Variants in ADRA1B observed in about 807,000 individuals in gnomAD.
The protein encoded by ADRA1B is alpha-1B adrenergic receptor.
A neutral mutation model predicts 17.9 loss-of-function variants in ADRA1B; 17 were observed. The observed-to-expected ratio is 0.95, with a 90% CI of 0.65 to 1.42. The LOEUF is 1.42. ADRA1B is among the 40% of genes most tolerant of loss of function. ADRA1B has a pLI of 0.00. For synonymous variants in ADRA1B, 366 were observed against 327.6 expected (o/e 1.12, Z -1.27); for missense variants, 681 against 722.1 (o/e 0.94, Z 0.65).
rs543413240 is a variant in ADRA1B at position 159,943,530 on chromosome 5, C to T, written c.949+25676C>T. On this transcript the variant is annotated intron_variant, in intron 1 of 1. Coordinates refer to ENST00000306675, the MANE Select transcript of ADRA1B (RefSeq NM_000679.4). ...CCACAGCTCCAACCTGATTAAAGAT[C>T]GTTAGTCTAATGACTTCCACCCTGT... 1.2e-4 allele frequency among the ~76,000 whole-genome samples: 18 copies of T among 152,136 alleles called. No homozygotes were observed. In the South Asian group the frequency reaches 3.7e-3, roughly 32 times the overall value.
chr5:159,888,022 G>A (rs980607938), intron 1 of ADRA1B: 3 of 152,090 alleles, frequency 2.0e-5, no homozygotes, highest in Non-Finnish European at 4.4e-5. Context: ...TCACACTCCT[G>A]ATTGAACCCA....
chr5:159,926,738 T>C (rs1303896809), intron 1 of ADRA1B, among the ~76,000 whole-genome samples: 4 of 151,790 alleles, frequency 2.6e-5, no homozygotes, highest in African/African-American at 9.7e-5. Flanking sequence ...AACACAAAAA[T>C]TAGCCGGGCG....
At chr5:159,955,521 G>C (rs552234117) in intron 1 of ADRA1B, among the ~76,000 whole-genome samples, 2 of 152,212 alleles carry the variant, frequency 1.3e-5, no homozygotes, top group African/African-American at 4.8e-5. Context: ...TTTACCATCT[G>C]ATTCCCCAAG....
intron 1 of ADRA1B, among the ~76,000 whole-genome samples, chr5:159,964,572 A>G (rs923332139): frequency 6.6e-6 from 1 of 152,238 alleles, no homozygotes; most frequent in Non-Finnish European, 1.5e-5. Context: ...AATGCTTAGC[A>G]AGCTTTAGAC....
intron 1 of ADRA1B, chr5:159,948,283 A>G (rs1411058958): frequency 2.0e-6 from 2 of 985,276 alleles, no homozygotes; most frequent in African/African-American, 1.7e-5. Flanking sequence ...CTTTTCACAC[A>G]TGCTATGCAC....
downstream of ADRA1B, among the ~76,000 whole-genome samples, chr5:159,975,657 G>T (rs1020141351): frequency 3.3e-5 from 5 of 152,222 alleles, no homozygotes; most frequent in Admixed American, 2.6e-4. Context: ...TTTCTTTCCA[G>T]AAGGAAGACT....
intron 1 of ADRA1B, among the ~76,000 whole-genome samples, chr5:159,968,771 A>C (rs1755817830): frequency 6.6e-6 from 1 of 152,174 alleles, no homozygotes; most frequent in South Asian, 2.1e-4. Context: ...TAGAGACAGG[A>C]ATCTCACTAT....
intron 1 of ADRA1B, among the ~76,000 whole-genome samples, chr5:159,941,919 CTTT>C (rs70987983): frequency 1.2e-4 from 15 of 122,134 alleles, no homozygotes; most frequent in African/African-American, 3.2e-4. Flanking sequence ...TACTGGGTTT[CTTT>C]TTTTTTTTTT....
Position 159,917,231 on chromosome 5 carries a change from G to A in ADRA1B, c.326G>A (p.Gly109Asp). 1 of 1,614,164 alleles carries A rather than the reference G, an allele frequency of 6.2e-7. No homozygotes were observed. The highest frequency in any genetic ancestry group is 8.5e-7 in the Non-Finnish European group (1 of 1,180,036). ...TTCTCAGCGGCCCTAGAGGTGCTCG[G>A]CTACTGGGTGCTGGGGCGGATCTTC... is the stretch of plus-strand genomic sequence containing the variant. Reference protein sequence around the residue: ...LPFSAALEVLGYWVLGRIFCD... With the variant: ...LPFSAALEVLDYWVLGRIFCD... The change falls in exon 1 of 2, where the codon GGC (glycine) becomes GAC (aspartate). Residue 109 changes from glycine to aspartate, a missense_variant. Gly to Asp is a moderately conservative substitution (Grantham distance 94, BLOSUM62 -1). Around this residue, in one of 3 missense-constraint regions of ADRA1B, gnomAD observed 424 missense variants for 480.2 expected, o/e 0.88. Coordinates refer to ENST00000306675, the MANE Select transcript of ADRA1B (RefSeq NM_000679.4).
the ADRA1B span, among the ~76,000 whole-genome samples, chr5:159,980,574 G>A: frequency 3.3e-5 from 5 of 152,272 alleles, no homozygotes; most frequent in East Asian, 9.7e-4. Flanking sequence ...TCTGCTACTT[G>A]CCAGCTATGT....
At chr5:159,963,665 G>C (rs1056226526) in intron 1 of ADRA1B, among the ~76,000 whole-genome samples, 2 of 152,214 alleles carry the variant, frequency 1.3e-5, no homozygotes, top group Non-Finnish European at 2.9e-5. Context: ...CAGAGTCAGA[G>C]CTTGTTAAAT....
At chr5:159,953,360 A>G (rs1315202114) in intron 1 of ADRA1B, among the ~76,000 whole-genome samples, 1 of 152,164 alleles carries the variant, frequency 6.6e-6, no homozygotes, top group Non-Finnish European at 1.5e-5. Flanking sequence ...TCTGTCTCAG[A>G]AAAATAAAAA....
chr5:159,981,699 C>T, the ADRA1B span, among the ~76,000 whole-genome samples: 10 of 152,066 alleles, frequency 6.6e-5, no homozygotes, highest in South Asian at 2.1e-4. Context: ...GGTTTCACCA[C>T]GTTAGCCAGG....
chr5:159,887,028 G>A (rs374966917), intron 1 of ADRA1B, among the ~76,000 whole-genome samples: 1 of 152,124 alleles, frequency 6.6e-6, no homozygotes. Context: ...TGAGTGGATA[G>A]ATAACGTGTT....
chr5:159,961,035 C>T (rs891096517), intron 1 of ADRA1B, among the ~76,000 whole-genome samples: 1 of 152,160 alleles, frequency 6.6e-6, no homozygotes, highest in Non-Finnish European at 1.5e-5. Context: ...GGGACAAATG[C>T]CACATTTTAG....
chr5:159,988,835 C>A, the ADRA1B span, among the ~76,000 whole-genome samples: 15 of 152,268 alleles, frequency 9.9e-5, no homozygotes, highest in South Asian at 3.1e-3. Context: ...TAAAAATTAG[C>A]CAGGTTTGGT....
At chr5:159,923,715 A>G (rs961886596) in intron 1 of ADRA1B, among the ~76,000 whole-genome samples, 1 of 152,298 alleles carries the variant, frequency 6.6e-6, no homozygotes, top group Non-Finnish European at 1.5e-5. Context: ...CTAGCTGCTC[A>G]TCAGAAACAT....
rs541157642 is a variant in ADRA1B, at chr5:159,954,451, G to T, written c.950-17428G>T. Among the ~76,000 whole-genome samples, 36 of 152,192 alleles carry T rather than the reference G, an allele frequency of 2.4e-4. No individual in the cohort carries two copies. In the South Asian group the frequency reaches 5.8e-3, roughly 25 times the overall value. On this transcript the variant is annotated intron_variant, in intron 1 of 1. Coordinates refer to ENST00000306675, the MANE Select transcript of ADRA1B (RefSeq NM_000679.4). ...CTCGTGACCTAATTACCTCCCAAAG[G>T]CCCCACCTCCTGATACCATCACCTG...
intron 1 of ADRA1B, among the ~76,000 whole-genome samples, chr5:159,876,234 T>TA (rs939259023): frequency 5.3e-5 from 8 of 152,152 alleles, no homozygotes; most frequent in African/African-American, 1.7e-4. Context: ...TACTTCATTT[T>TA]AAAAAAGTCT....
Sources: gnomAD v4.1 joint callset for allele counts (sites outside exome capture counted in the v4.1 genomes callset) on GRCh38, gnomAD v4.1.1 for gene constraint, gnomAD v4.1.1 regional missense constraint, MANE v1.5 for transcripts, NCBI Gene and HGNC (gene_info 2026-07-23, HGNC 2026-07-21) for gene names.